Variants in LRBA observed in about 807,000 individuals in gnomAD.
LRBA encodes the protein LPS responsive beige-like anchor protein, also known as lipopolysaccharide-responsive and beige-like anchor protein.
In LRBA, 176 loss-of-function variants were observed where a neutral mutation model predicts 330.0. The observed-to-expected ratio is 0.53, with a 90% CI of 0.47 to 0.60. LRBA has a LOEUF of 0.60. Among genes scored for constraint, LRBA ranks in the 20% least tolerant of loss-of-function variants. The pLI, the probability that LRBA is intolerant of heterozygous loss-of-function variation, is 0.00. For missense variants in LRBA, 3,259 were observed against 3,444.8 expected (o/e 0.95, Z 1.35); for synonymous variants, 1,230 against 1,193.0 (o/e 1.03, Z -0.64).
chr4:150,746,465 C>T (rs1742168272), intron 35 of LRBA, among the ~76,000 whole-genome samples: 1 of 151,962 alleles, frequency 6.6e-6, no homozygotes, highest in Non-Finnish European at 1.5e-5. Flanking sequence ...CCAAGTACTG[C>T]CCATTCTACC....
intron 48 of LRBA, among the ~76,000 whole-genome samples, chr4:150,338,192 A>G (rs1321187224): frequency 6.6e-6 from 1 of 152,170 alleles, no homozygotes; most frequent in Non-Finnish European, 1.5e-5. Context: ...TTCAGGTTTT[A>G]CTTTCATGTT....
In LRBA at chr4:150,896,468, T is replaced by C. The variant is rs974541747; in HGVS notation, c.2005-12A>G. The C allele has an allele frequency of 5.7e-6, 8 of 1,412,746 alleles. No homozygotes were observed. Among genetic ancestry groups the C allele is most frequent in the Admixed American group, 1.9e-5 (1 of 52,644 alleles). The allele number at this position is 1,412,746 out of a possible 1,614,324, so 87.5% of individuals were successfully genotyped here. On this transcript the variant is annotated splice_polypyrimidine_tract_variant and intron_variant, in intron 15 of 56. Coordinates refer to ENST00000651943, the MANE Select transcript of LRBA (RefSeq NM_001364905.1). ...TTTACTCCAGAATCCTTCAAAAACATAATACAGGTATCTTACGTTTACATG... is the reference window on the plus strand; with the variant it reads ...TTTACTCCAGAATCCTTCAAAAACACAATACAGGTATCTTACGTTTACATG...
chr4:150,889,311 C>T (rs1369626159), intron 17 of LRBA, among the ~76,000 whole-genome samples: 2 of 151,938 alleles, frequency 1.3e-5, no homozygotes, highest in Admixed American at 1.3e-4. Context: ...AAAATTGCAA[C>T]CTCTGGCATA....
At chr4:150,695,084 A>G (rs1042356659) in intron 36 of LRBA, among the ~76,000 whole-genome samples, 10 of 152,198 alleles carry the variant, frequency 6.6e-5, no homozygotes, top group African/African-American at 2.4e-4. Flanking sequence ...ATACCTAAGC[A>G]TCTTCCAAAA....
intron 2 of LRBA, among the ~76,000 whole-genome samples, chr4:150,984,447 T>C (rs1741205376): frequency 6.6e-6 from 1 of 151,796 alleles, no homozygotes; most frequent in African/African-American, 2.4e-5. Context: ...AGGCGGAGGT[T>C]GTGGTGAGTG....
chr4:150,568,138 T>A (rs1581698711), intron 40 of LRBA, among the ~76,000 whole-genome samples: 1 of 152,062 alleles, frequency 6.6e-6, no homozygotes, highest in African/African-American at 2.4e-5. Context: ...AGACCCCGTC[T>A]CTACAATAAA....
At chr4:150,747,158 C>T (rs1166392162) in intron 35 of LRBA, among the ~76,000 whole-genome samples, 1 of 152,150 alleles carries the variant, frequency 6.6e-6, no homozygotes, top group African/African-American at 2.4e-5. Flanking sequence ...CTGTACACTC[C>T]TTTGCCTCTG....
At chr4:151,010,608 C>T (rs1431130502) in intron 2 of LRBA, among the ~76,000 whole-genome samples, 4 of 152,136 alleles carry the variant, frequency 2.6e-5, no homozygotes, top group Non-Finnish European at 5.9e-5. Flanking sequence ...GGGCCAGGCA[C>T]GGTGGCTCAC....
At chr4:151,005,621 T>G (rs1045041693) in intron 2 of LRBA, among the ~76,000 whole-genome samples, 4 of 141,042 alleles carry the variant, frequency 2.8e-5, no homozygotes, top group East Asian at 2.0e-4. Flanking sequence ...TTTTTTTTTT[T>G]GGAGACGTAA....
intron 28 of LRBA, among the ~76,000 whole-genome samples, chr4:150,832,209 G>A (rs1402479295): frequency 1.3e-5 from 2 of 152,152 alleles, no homozygotes; most frequent in Non-Finnish European, 2.9e-5. Flanking sequence ...AACATGGAAA[G>A]AGAGAAGTTA....
At chr4:150,842,290 T>C (rs1277990961) in intron 28 of LRBA, among the ~76,000 whole-genome samples, 1 of 152,178 alleles carries the variant, frequency 6.6e-6, no homozygotes, top group Non-Finnish European at 1.5e-5. Flanking sequence ...TCATCTATTC[T>C]AGTTTATTTG....
intron 53 of LRBA, among the ~76,000 whole-genome samples, chr4:150,289,902 T>C (rs1420690414): frequency 6.6e-6 from 1 of 152,212 alleles, no homozygotes; most frequent in Non-Finnish European, 1.5e-5. Context: ...TGGGAACCAC[T>C]TGCAATGAAA....
At chr4:150,762,430 C>A (rs950052676) in intron 34 of LRBA, among the ~76,000 whole-genome samples, 2 of 151,558 alleles carry the variant, frequency 1.3e-5, no homozygotes, top group Non-Finnish European at 3.0e-5. Flanking sequence ...TGAAATTTAC[C>A]CATTAAACTT....
At chr4:150,980,325 C>T (rs529720929) in intron 2 of LRBA, among the ~76,000 whole-genome samples, 55 of 152,184 alleles carry the variant, frequency 3.6e-4, no homozygotes, top group Non-Finnish European at 3.8e-4. Flanking sequence ...AAGAGGCATA[C>T]CTCAACATAA....
intron 37 of LRBA, among the ~76,000 whole-genome samples, chr4:150,663,100 T>C (rs1225255119): frequency 6.6e-6 from 1 of 152,198 alleles, no homozygotes; most frequent in African/African-American, 2.4e-5. Context: ...AAAATACAAA[T>C]ACAACTTGAG....
intron 36 of LRBA, among the ~76,000 whole-genome samples, chr4:150,694,340 T>C (rs557466779): frequency 1.3e-5 from 2 of 151,986 alleles, no homozygotes; most frequent in South Asian, 4.2e-4. Context: ...ATAAATTACT[T>C]GTCTCACTGA....
At chr4:150,399,721 G>A (rs988490066) in intron 47 of LRBA, among the ~76,000 whole-genome samples, 7 of 152,184 alleles carry the variant, frequency 4.6e-5, no homozygotes, top group Admixed American at 4.6e-4. Context: ...GCTTATATGA[G>A]TAGTCCCAGC....
intron 37 of LRBA, among the ~76,000 whole-genome samples, chr4:150,658,335 C>T (rs1267594881): frequency 6.8e-6 from 1 of 147,286 alleles, no homozygotes; most frequent in Non-Finnish European, 1.5e-5. Context: ...TAACACATTC[C>T]TATTAAAATA....
chr4:150,561,419 G>C (rs1472331863), intron 40 of LRBA, among the ~76,000 whole-genome samples: 3 of 152,152 alleles, frequency 2.0e-5, no homozygotes, highest in Non-Finnish European at 2.9e-5. Flanking sequence ...GTTGCAAATG[G>C]AATAAGGTTG....
Sources: gnomAD v4.1 joint callset for allele counts (sites outside exome capture counted in the v4.1 genomes callset) on GRCh38, gnomAD v4.1.1 for gene constraint, MANE v1.5 for transcripts, NCBI Gene and HGNC (gene_info 2026-07-23, HGNC 2026-07-21) for gene names.